Variants in EFHC1 observed in about 807,000 individuals in gnomAD.
EFHC1 encodes the protein EF-hand domain containing 1, also known as EF-hand domain-containing protein 1.
In EFHC1, 53 loss-of-function variants were observed where a neutral mutation model predicts 69.9. That is an observed-to-expected ratio of 0.76 (90% CI 0.61 to 0.95). EFHC1 has a LOEUF of 0.95. Ranked by LOEUF, EFHC1 falls within the 40% of genes least tolerant of loss-of-function variation. The pLI, the probability that EFHC1 is intolerant of heterozygous loss-of-function variation, is 0.00. For synonymous variants in EFHC1, 256 were observed against 278.4 expected, an observed-to-expected ratio of 0.92 and a Z score of 0.80; for missense variants, 739 against 798.7, an observed-to-expected ratio of 0.93 and a Z score of 0.90.
chr6:52,445,305 T>A (rs549483545), intron 3 of EFHC1, among the ~76,000 whole-genome samples: 402 of 151,776 alleles, frequency 2.6e-3, no homozygotes, highest in Non-Finnish European at 4.5e-3. Flanking sequence ...TTATTTATTT[T>A]TTTATTATTA....
intron 7 of EFHC1, among the ~76,000 whole-genome samples, chr6:52,478,663 G>A (rs1403083782): frequency 1.3e-5 from 2 of 152,158 alleles, no homozygotes; most frequent in African/African-American, 4.8e-5. Flanking sequence ...CCACATATAT[G>A]TTCTAGTATA....
intron 5 of EFHC1, among the ~76,000 whole-genome samples, chr6:52,460,199 A>T (rs546637779): frequency 6.6e-6 from 1 of 152,362 alleles, no homozygotes; most frequent in African/African-American, 2.4e-5. Flanking sequence ...AATACTACTA[A>T]AAAACAAAAC....
intron 7 of EFHC1, 80 bp from the exon 8 acceptor site, chr6:52,478,957 T>A: frequency 1.5e-6 from 2 of 1,293,032 alleles, no homozygotes; most frequent in Non-Finnish European, 2.2e-6. Context: ...ATCCTATACC[T>A]GGCCCCTATA....
chr6:52,492,867 T>C lies in EFHC1; in HGVS notation c.*526T>C, dbSNP rs1213649487. 2.2e-6 allele frequency: 1 copy of C among 452,214 alleles called. No homozygotes were observed. The highest frequency in any genetic ancestry group is 4.4e-6 in the Non-Finnish European group (1 of 225,834). The allele number at this position is 452,214 out of a possible 1,614,324, so 28.0% of individuals were successfully genotyped here. On this transcript the variant is annotated 3_prime_UTR_variant, in exon 11 of 11. Coordinates refer to ENST00000371068, the MANE Select transcript of EFHC1 (RefSeq NM_018100.4). ...CATGAGCTCCAGAAATTCTCCCACC[T>C]CAGCCTCCAAAAGTGCTGGGATTAT... is the stretch of plus-strand genomic sequence containing the variant.
At chr6:52,489,098 A>T (rs1215672226) in intron 9 of EFHC1, 1 of 152,242 alleles carries the variant, frequency 6.6e-6, no homozygotes, top group Non-Finnish European at 1.5e-5. Flanking sequence ...GCCAGCAGGT[A>T]AAAGAGGGAA....
In EFHC1 at chr6:52,495,077, C is replaced by A. The variant is rs1423626132; in HGVS notation, c.*2736C>A. 4.4e-6 allele frequency: 2 copies of A among 454,042 alleles called. No individual in the cohort carries two copies. The highest frequency in any genetic ancestry group is 2.0e-5 in the African/African-American group (1 of 50,114). 28.1% of individuals were successfully genotyped at this position (454,042 alleles called of 1,614,324 possible). ...ACGGGACCCAGTCTGTACCTGATCA[C>A]CCCGGCTCTAATGGTATGGTCTCCA... is the stretch of plus-strand genomic sequence containing the variant. On this transcript the variant is annotated 3_prime_UTR_variant, in exon 11 of 11. Transcript: ENST00000371068.
At chr6:52,467,820 A>G (rs536503247) in intron 6 of EFHC1, among the ~76,000 whole-genome samples, 1 of 152,370 alleles carries the variant, frequency 6.6e-6, no homozygotes, top group East Asian at 1.9e-4. Flanking sequence ...GAAATTTGTT[A>G]GAGATAAATA....
chr6:52,474,325 A>G, intron 7 of EFHC1, among the ~76,000 whole-genome samples: 1 of 152,154 alleles, frequency 6.6e-6, no homozygotes, highest in East Asian at 1.9e-4. Context: ...AAATATGTAC[A>G]TATGAGAAGT....
chr6:52,452,805 C>T lies in EFHC1; in HGVS notation c.691C>T (p.Gln231Ter). ...GTATGTCACCCCATCAGACTTTGAT[C>T]AACTCAAGCAATTTCTCACCTTTGA... ...RKYVTPSDFD[Q>*]LKQFLTFDKQ... The change falls in exon 4 of 11, where the codon CAA becomes TAA. Residue 231 changes from glutamine to a stop codon, truncating the protein, a stop_gained. Transcript: ENST00000371068. LOFTEE classifies it high-confidence loss of function. 1.9e-6 allele frequency: 3 copies of T among 1,614,168 alleles called. No homozygotes were observed.
At chr6:52,427,649 G>A (rs568362757) in intron 2 of EFHC1, among the ~76,000 whole-genome samples, 125 of 151,818 alleles carry the variant, frequency 8.2e-4, no homozygotes, top group Non-Finnish European at 1.4e-3. Flanking sequence ...ACTTCATGAA[G>A]GTAAGGACTT....
rs144447906 is a variant in EFHC1, at chr6:52,464,995, G to A, written c.1017G>A (p.Gly339=). Residue 339 remains glycine, a synonymous_variant, in exon 6 of 11, where the codon GGG becomes GGA. Transcript: ENST00000371068. ...FIVGKSLTIL[G]RTFFIYDCDP... ...TTGGGAAGTCACTCACTATCCTTGG[G>A]AGAACTTTCTTCATTTATGATTGTG... is the stretch of plus-strand genomic sequence containing the variant. 10 of 1,614,024 alleles carry A rather than the reference G, an allele frequency of 6.2e-6. No individual in the cohort carries two copies. In the African/African-American group the frequency reaches 1.2e-4, roughly 19 times the overall value.
chr6:52,462,791 G>C (rs1032400441), intron 5 of EFHC1, among the ~76,000 whole-genome samples: 1 of 151,322 alleles, frequency 6.6e-6, no homozygotes, highest in Non-Finnish European at 1.5e-5. Flanking sequence ...AGGAGGCTGA[G>C]GCAGGAGAAT....
intron 2 of EFHC1, among the ~76,000 whole-genome samples, chr6:52,426,144 G>A (rs1764295859): frequency 6.6e-6 from 1 of 152,124 alleles, no homozygotes; most frequent in South Asian, 2.1e-4. Flanking sequence ...AATACCTTGT[G>A]ATGCCTTTAA....
In EFHC1 at chr6:52,433,561, A is replaced by G. The variant is rs372755375; in HGVS notation, c.286-4743A>G. On this transcript the variant is annotated intron_variant, in intron 2 of 10. Coordinates refer to ENST00000371068, the MANE Select transcript of EFHC1 (RefSeq NM_018100.4). ...GGGTCTCTCAGCCATAGATACCAGCACCTGCTCCAGTGGAGGTGGCAGGGG... is the reference window on the plus strand; with the variant it reads ...GGGTCTCTCAGCCATAGATACCAGCGCCTGCTCCAGTGGAGGTGGCAGGGG... Among the ~76,000 whole-genome samples the G allele has an allele frequency of 1.2e-3, 187 of 152,256 alleles. 1 individual carries two copies. The highest frequency in any genetic ancestry group is 4.5e-3 in the African/African-American group (186 of 41,552).
At chr6:52,468,453 G>T (rs558699110) in intron 6 of EFHC1, 2 of 152,306 alleles carry the variant, frequency 1.3e-5, no homozygotes, top group East Asian at 3.9e-4. Flanking sequence ...GTATATTCAG[G>T]AAAAACAGGT....
chr6:52,455,869 G>A (rs925383659), intron 5 of EFHC1, among the ~76,000 whole-genome samples: 1 of 152,018 alleles, frequency 6.6e-6, no homozygotes, highest in Admixed American at 6.6e-5. Flanking sequence ...ATGTAGTGAA[G>A]GTACATTTTG....
At chr6:52,451,245 A>G (rs1287912619) in intron 3 of EFHC1, among the ~76,000 whole-genome samples, 1 of 151,986 alleles carries the variant, frequency 6.6e-6, no homozygotes, top group Non-Finnish European at 1.5e-5. Flanking sequence ...TGGTCTGTGT[A>G]CTTGTGTGTT....
intron 5 of EFHC1, among the ~76,000 whole-genome samples, chr6:52,462,528 G>A (rs1765192932): frequency 6.6e-6 from 1 of 152,126 alleles, no homozygotes; most frequent in Non-Finnish European, 1.5e-5. Context: ...CTAATAAAGT[G>A]ACAAACTATA....
At chr6:52,478,680 T>G (rs1217276070) in intron 7 of EFHC1, among the ~76,000 whole-genome samples, 1 of 152,210 alleles carries the variant, frequency 6.6e-6, no homozygotes, top group Non-Finnish European at 1.5e-5. Flanking sequence ...TATACTGTGT[T>G]TGTTTGGGCT....
Sources: allele counts gnomAD v4.1 joint callset (sites outside exome capture counted in the v4.1 genomes callset), GRCh38; gene constraint gnomAD v4.1.1; transcripts MANE v1.5; gene names NCBI Gene and HGNC (gene_info 2026-07-23, HGNC 2026-07-21).